The following NRG3 variants were observed in gnomAD, a reference collection of about 807,000 sequenced individuals.
The protein encoded by NRG3 is neuregulin 3, also known as pro-neuregulin-3, membrane-bound isoform.
Under a neutral mutation model 66.9 loss-of-function variants are expected in NRG3, and 31 were observed. That is an observed-to-expected ratio of 0.46 (90% CI 0.35 to 0.63). The LOEUF is 0.63. NRG3 is among the 20% of genes least tolerant of loss of function. The pLI, the probability that NRG3 is intolerant of heterozygous loss-of-function variation, is 0.00. For synonymous variants in NRG3, 393 were observed against 359.4 expected, an observed-to-expected ratio of 1.09 and a Z score of -1.06; for missense variants, 910 against 878.9, an observed-to-expected ratio of 1.04 and a Z score of -0.45.
chr10:82,136,583 G>C (rs1398799590), intron 1 of NRG3, among the ~76,000 whole-genome samples: 2 of 152,082 alleles, frequency 1.3e-5, no homozygotes, highest in African/African-American at 2.4e-5. Context: ...CCTCAAGTAG[G>C]AGTCTCTCCC....
chr10:82,141,687 G>C (rs914630515), intron 1 of NRG3, among the ~76,000 whole-genome samples: 4 of 151,942 alleles, frequency 2.6e-5, no homozygotes, highest in Admixed American at 2.6e-4. Context: ...GTATTATTCT[G>C]CCAAACCATC....
intron 2 of NRG3, among the ~76,000 whole-genome samples, chr10:82,492,011 T>C (rs1843188545): frequency 6.6e-6 from 1 of 152,222 alleles, no homozygotes; most frequent in African/African-American, 2.4e-5. Flanking sequence ...AACAGCAAAG[T>C]CTAGCCTCTC....
At chr10:82,794,466 C>T in intron 3 of NRG3, among the ~76,000 whole-genome samples, 1 of 152,144 alleles carries the variant, frequency 6.6e-6, no homozygotes. Flanking sequence ...GGTGCTTATT[C>T]AGCCGAGCTG....
intron 4 of NRG3, among the ~76,000 whole-genome samples, chr10:82,908,952 C>A (rs12256472): frequency 0.37 from 47,509 of 128,822 alleles, 11,005 homozygotes; most frequent in African/African-American, 0.59. Context: ...GAGGGAGAGG[C>A]AGCCAATGGA....
At chr10:82,558,980 AT>A (rs1312314727) in intron 2 of NRG3, among the ~76,000 whole-genome samples, 1 of 152,188 alleles carries the variant, frequency 6.6e-6, no homozygotes, top group Non-Finnish European at 1.5e-5. Flanking sequence ...AAAATTCAAA[AT>A]CACATGAAAT....
intron 1 of NRG3, among the ~76,000 whole-genome samples, chr10:82,042,202 A>T (rs2063076687): frequency 6.6e-6 from 1 of 152,028 alleles, no homozygotes; most frequent in Non-Finnish European, 1.5e-5. Flanking sequence ...TTTTTAAAAA[A>T]ATTTGAGTAT....
chr10:82,594,200 T>A (rs1312596659), intron 2 of NRG3, among the ~76,000 whole-genome samples: 1 of 152,210 alleles, frequency 6.6e-6, no homozygotes, highest in Non-Finnish European at 1.5e-5. Flanking sequence ...TGTAGTCTCT[T>A]CAAGATGAAT....
intron 1 of NRG3, among the ~76,000 whole-genome samples, chr10:82,223,826 C>A (rs1326869270): frequency 1.3e-5 from 2 of 152,182 alleles, no homozygotes; most frequent in East Asian, 3.9e-4. Flanking sequence ...GGCAGGAATA[C>A]CAAGGAAAAG....
intron 2 of NRG3, among the ~76,000 whole-genome samples, chr10:82,443,358 T>C (rs913258479): frequency 5.3e-5 from 8 of 151,866 alleles, no homozygotes; most frequent in Non-Finnish European, 8.8e-5. Context: ...TTCTAGATGG[T>C]AAAAAAAATA....
At chr10:82,646,957 T>G (rs1427173540) in intron 2 of NRG3, among the ~76,000 whole-genome samples, 5 of 151,960 alleles carry the variant, frequency 3.3e-5, no homozygotes, top group African/African-American at 1.2e-4. Context: ...ATTTCTTTTT[T>G]TTTTTTTTGC....
chr10:82,382,532 A>G (rs2085685168), intron 2 of NRG3, among the ~76,000 whole-genome samples: 1 of 151,960 alleles, frequency 6.6e-6, no homozygotes. Flanking sequence ...TAGATTTTGA[A>G]TTGTCTGCCT....
rs979680869 is a variant in NRG3, at chr10:82,171,836, G to T, written c.824-186903G>T. On this transcript the variant is annotated intron_variant, in intron 1 of 8. Coordinates refer to ENST00000372141, the MANE Select transcript of NRG3 (RefSeq NM_001010848.4). ...ACAAGGATATCCCTTCCTTTTAAGAGAATCTTAAGAAGTGTCATGACAACA... is the reference window on the plus strand; with the variant it reads ...ACAAGGATATCCCTTCCTTTTAAGATAATCTTAAGAAGTGTCATGACAACA... Among the ~76,000 whole-genome samples the T allele has an allele frequency of 2.0e-5, 3 of 152,098 alleles. No homozygotes were observed. The East Asian group carries it at 5.8e-4, about 29-fold the overall frequency.
At chr10:82,393,742 T>A (rs2086540557) in intron 2 of NRG3, among the ~76,000 whole-genome samples, 2 of 152,180 alleles carry the variant, frequency 1.3e-5, no homozygotes. Context: ...CCTCTGCTCC[T>A]GGCGTAGATG....
intron 1 of NRG3, among the ~76,000 whole-genome samples, chr10:82,184,216 G>A (rs78028775): frequency 0.027 from 4,091 of 152,184 alleles, 73 homozygotes; most frequent in South Asian, 0.065. Context: ...CATTTGCACC[G>A]ATAGTATAAA....
rs943389292 is a variant in NRG3, at chr10:82,803,327, C to A, written c.1028-62084C>A. ...GTGTGGTCAATATTCTTTTAAATTG[C>A]CTGTAAATGTTTCTGCGCTTATTTG... On this transcript the variant is annotated intron_variant, in intron 3 of 8. Transcript: ENST00000372141. 2.6e-5 allele frequency among the ~76,000 whole-genome samples: 4 copies of A among 152,082 alleles called. No individual in the cohort carries two copies. The East Asian group carries it at 5.8e-4, about 22-fold the overall frequency.
chr10:81,960,162 T>G (rs1850217942), intron 1 of NRG3, among the ~76,000 whole-genome samples: 1 of 152,184 alleles, frequency 6.6e-6, no homozygotes, highest in South Asian at 2.1e-4. Flanking sequence ...CACTTTTAAA[T>G]TTTTCTTGCT....
At chr10:82,097,152 A>G (rs1206783201) in intron 1 of NRG3, among the ~76,000 whole-genome samples, 2 of 151,816 alleles carry the variant, frequency 1.3e-5, no homozygotes, top group African/African-American at 2.4e-5. Context: ...ACCTGTTCCT[A>G]TAATTTTGGC....
chr10:82,075,157 T>G (rs2065023259), intron 1 of NRG3, among the ~76,000 whole-genome samples: 1 of 152,230 alleles, frequency 6.6e-6, no homozygotes, highest in African/African-American at 2.4e-5. Context: ...CTTGTTTTTC[T>G]TCATGAAATA....
chr10:82,889,266 T>G (rs983633458), intron 4 of NRG3, among the ~76,000 whole-genome samples: 1 of 152,042 alleles, frequency 6.6e-6, no homozygotes, highest in Non-Finnish European at 1.5e-5. Flanking sequence ...GAATCTATAC[T>G]GAGAGAGAGT....
Sources: gnomAD v4.1 joint callset for allele counts (sites outside exome capture counted in the v4.1 genomes callset) on GRCh38, gnomAD v4.1.1 for gene constraint, MANE v1.5 for transcripts, NCBI Gene and HGNC (gene_info 2026-07-23, HGNC 2026-07-21) for gene names.